The following NRXN3 variants were observed in gnomAD, a reference collection of about 807,000 sequenced individuals.
NRXN3 encodes the protein neurexin 3.
NRXN3 carries 32 observed loss-of-function variants against 137.6 expected under a neutral mutation model. The observed-to-expected ratio is 0.23, with a 90% CI of 0.18 to 0.31. The LOEUF (loss-of-function observed/expected upper bound fraction) is 0.31. Ranked by LOEUF, NRXN3 falls within the 10% of genes least tolerant of loss-of-function variation. The pLI, the probability that NRXN3 is intolerant of heterozygous loss-of-function variation, is 1.00. For missense variants in NRXN3, 1,574 were observed against 2,062.5 expected (o/e 0.76, Z 4.59); for synonymous variants, 798 against 784.5 (o/e 1.02, Z -0.29).
At chr14:79,565,347 G>GTGTGTATATGTATA (rs1491496752) in intron 16 of NRXN3, among the ~76,000 whole-genome samples, 8 of 146,630 alleles carry the variant, frequency 5.5e-5, no homozygotes, top group Admixed American at 1.4e-4. Context: ...ACATATGTGT[G>GTGTGTATATGTATA]CGTATATGTA....
intron 20 of NRXN3, among the ~76,000 whole-genome samples, chr14:79,819,765 C>G (rs1200736998): frequency 2.0e-5 from 3 of 151,506 alleles, no homozygotes; most frequent in Non-Finnish European, 2.9e-5. Context: ...TTACAGGCAT[C>G]AGCCACCGCA....
chr14:78,954,416 C>T (rs2099392729), intron 10 of NRXN3, among the ~76,000 whole-genome samples: 1 of 151,786 alleles, frequency 6.6e-6, no homozygotes, highest in Admixed American at 6.6e-5. Flanking sequence ...AGAATTGTTA[C>T]TGTTGGAGGT....
chr14:79,052,683 G>T (rs2099643662), intron 15 of NRXN3, among the ~76,000 whole-genome samples: 1 of 152,190 alleles, frequency 6.6e-6, no homozygotes, highest in South Asian at 2.1e-4. Flanking sequence ...TTGTCTCATA[G>T]ACTCCCATCT....
chr14:79,821,510 C>G (rs778453004), intron 20 of NRXN3, among the ~76,000 whole-genome samples: 4 of 152,108 alleles, frequency 2.6e-5, no homozygotes, highest in Non-Finnish European at 4.4e-5. Context: ...ATGAGACACA[C>G]AGTGTTTTTT....
chr14:78,208,590 G>A (rs1173441373), intron 1 of NRXN3, among the ~76,000 whole-genome samples: 3 of 152,200 alleles, frequency 2.0e-5, no homozygotes, highest in Non-Finnish European at 4.4e-5. Flanking sequence ...GTGCCCATGT[G>A]TGTTTTATTA....
intron 16 of NRXN3, among the ~76,000 whole-genome samples, chr14:79,492,490 C>A (rs528882003): frequency 5.9e-5 from 9 of 152,174 alleles, no homozygotes; most frequent in African/African-American, 2.2e-4. Flanking sequence ...TCAAGTGATT[C>A]TCCTGCCTTA....
At chr14:79,286,901 A>G (rs1472176833) in intron 15 of NRXN3, among the ~76,000 whole-genome samples, 1 of 152,194 alleles carries the variant, frequency 6.6e-6, no homozygotes. Context: ...AGCAATAATA[A>G]TAGTTAACCA....
rs145331656 is a variant in NRXN3 at position 79,489,956 on chromosome 14, G to A, written c.3444+22554G>A. On this transcript the variant is annotated intron_variant, in intron 16 of 20. Coordinates refer to ENST00000335750, the MANE Select transcript of NRXN3 (RefSeq NM_001330195.2). The stretch of plus-strand genomic sequence containing the variant: ...CGGGAGGCTGAGGCAGGAGAATGGC[G>A]TGAACCTGGGAGGCAGAGCTTGCAG... Among the ~76,000 whole-genome samples, 532 of 146,684 alleles carry A rather than the reference G, an allele frequency of 3.6e-3. 5 individuals carry two copies. Among genetic ancestry groups the A allele is most frequent in the African/African-American group, 0.013 (499 of 39,518 alleles).
At position 78,882,043 on chromosome 14, in the gene NRXN3, G is replaced by A. The variant is rs74522281; in HGVS notation, c.2275+71699G>A. ...TACAGCTCAGGATATTGTTTCAAAAGGTGTAAGCCCCCATTCTTGGCAGCT... is the reference window on the plus strand; with the variant it reads ...TACAGCTCAGGATATTGTTTCAAAAAGTGTAAGCCCCCATTCTTGGCAGCT... On this transcript the variant is annotated intron_variant, in intron 10 of 20. Coordinates refer to ENST00000335750, the MANE Select transcript of NRXN3 (RefSeq NM_001330195.2). Among the ~76,000 whole-genome samples the A allele has an allele frequency of 2.1e-4, 32 of 151,880 alleles. No individual in the cohort carries two copies. The East Asian group carries it at 6.2e-3, about 29-fold the overall frequency.
At chr14:78,824,352 T>C (rs1048912001) in intron 10 of NRXN3, among the ~76,000 whole-genome samples, 3 of 152,166 alleles carry the variant, frequency 2.0e-5, no homozygotes, top group African/African-American at 7.2e-5. Context: ...TCTTTATTTG[T>C]TTCCATGAGT....
chr14:78,885,178 A>G (rs972503568), intron 10 of NRXN3, among the ~76,000 whole-genome samples: 3 of 148,472 alleles, frequency 2.0e-5, no homozygotes, highest in Non-Finnish European at 4.5e-5. Context: ...ATATATAAAT[A>G]TACATTATAT....
intron 10 of NRXN3, among the ~76,000 whole-genome samples, chr14:78,938,346 T>G (rs2099346015): frequency 6.6e-6 from 1 of 152,316 alleles, no homozygotes; most frequent in Non-Finnish European, 1.5e-5. Flanking sequence ...TCACTACTTA[T>G]TGTGAGGCAT....
At chr14:78,951,141 C>T (rs2099386280) in intron 10 of NRXN3, among the ~76,000 whole-genome samples, 1 of 152,184 alleles carries the variant, frequency 6.6e-6, no homozygotes, top group Non-Finnish European at 1.5e-5. Context: ...ATTTTCATCT[C>T]TTTTCTTTAA....
intron 15 of NRXN3, among the ~76,000 whole-genome samples, chr14:79,161,004 G>T (rs1488358898): frequency 6.6e-6 from 1 of 151,912 alleles, no homozygotes; most frequent in Non-Finnish European, 1.5e-5. Context: ...AATAATGCAA[G>T]GGAACTTCTC....
chr14:78,360,445 A>G (rs768806190), intron 4 of NRXN3, among the ~76,000 whole-genome samples: 1 of 152,202 alleles, frequency 6.6e-6, no homozygotes, highest in Non-Finnish European at 1.5e-5. Context: ...CTTTGTGTCT[A>G]AGTTATGCAC....
At chr14:78,275,140 C>T (rs60734556) in intron 2 of NRXN3, among the ~76,000 whole-genome samples, 1 of 152,144 alleles carries the variant, frequency 6.6e-6, no homozygotes, top group African/African-American at 2.4e-5. Flanking sequence ...CTTTAACTAC[C>T]TTCTCTAAAA....
chr14:78,180,794 C>T (rs1266731737), intron 1 of NRXN3, among the ~76,000 whole-genome samples: 3 of 152,172 alleles, frequency 2.0e-5, no homozygotes, highest in Non-Finnish European at 4.4e-5. Context: ...TTTCTCAGCC[C>T]AGGGCAACTC....
chr14:78,713,106 C>T lies in NRXN3; in HGVS notation c.1661-1650C>T, dbSNP rs533631807. Among the ~76,000 whole-genome samples the T allele has an allele frequency of 3.4e-4, 52 of 152,206 alleles. 1 individual carries two copies. The South Asian group carries it at 8.9e-3, about 26-fold the overall frequency. On this transcript the variant is annotated intron_variant, in intron 7 of 20. Coordinates refer to ENST00000335750, the MANE Select transcript of NRXN3 (RefSeq NM_001330195.2). Reference sequence around the variant, plus strand: ...AGTCCATTTCCTTAATTTTCCAGTTCGGGAAATTGAGCCATAAAGTGGTTC... The same window carrying T: ...AGTCCATTTCCTTAATTTTCCAGTTTGGGAAATTGAGCCATAAAGTGGTTC...
chr14:79,249,338 A>G (rs1003092585), intron 15 of NRXN3, among the ~76,000 whole-genome samples: 2 of 152,182 alleles, frequency 1.3e-5, no homozygotes, highest in African/African-American at 4.8e-5. Context: ...AAAACTTGGA[A>G]GTGGGAGGGG....
Sources: allele counts gnomAD v4.1 joint callset (sites outside exome capture counted in the v4.1 genomes callset), GRCh38; gene constraint gnomAD v4.1.1; transcripts MANE v1.5; gene names NCBI Gene and HGNC (gene_info 2026-07-23, HGNC 2026-07-21).